ATP11A: variants seen among roughly 807,000 people sequenced by gnomAD.
The protein encoded by ATP11A is ATPase phospholipid transporting 11A.
In ATP11A, 81 loss-of-function variants were observed where a neutral mutation model predicts 154.4. The ratio of observed to expected loss-of-function variants is 0.52; its 90% CI spans 0.44 to 0.63. ATP11A has a LOEUF of 0.63. Among genes scored for constraint, ATP11A ranks in the 30% least tolerant of loss-of-function variants. The pLI is 0.00. For missense variants in ATP11A, 1,316 were observed against 1,474.3 expected, an observed-to-expected ratio of 0.89 and a Z score of 1.76; for synonymous variants, 623 against 585.9, an observed-to-expected ratio of 1.06 and a Z score of -0.91.
chr13:112,794,236 T>C (rs1010598689), intron 2 of ATP11A, among the ~76,000 whole-genome samples: 1 of 152,196 alleles, frequency 6.6e-6, no homozygotes, highest in Non-Finnish European at 1.5e-5. Context: ...AAGGGCCCAG[T>C]GTTACATTAC....
chr13:112,757,624 G>T (rs2076872275), intron 1 of ATP11A, among the ~76,000 whole-genome samples: 1 of 152,228 alleles, frequency 6.6e-6, no homozygotes, highest in South Asian at 2.1e-4. Context: ...TCCCAGGCTG[G>T]CCTCCTTGTC....
chr13:112,757,895 G>A lies in ATP11A; in HGVS notation c.40-27240G>A, dbSNP rs112134027. Among the ~76,000 whole-genome samples the A allele has an allele frequency of 6.4e-3, 969 of 152,316 alleles. 9 individuals are homozygous for A. Among genetic ancestry groups the A allele is most frequent in the African/African-American group, 0.022 (906 of 41,562 alleles). On this transcript the variant is annotated intron_variant, in intron 1 of 29. Coordinates refer to ENST00000375645, the MANE Select transcript of ATP11A (RefSeq NM_015205.3). ...GTTCTGGCAAGAGTGAGTGGCTTTA[G>A]GTCTGCACGCTGTGTTAGGGGAGCC...
rs139226295 is a variant in ATP11A at position 112,842,367 on chromosome 13, G to A, written c.1797G>A (p.Glu599=). 2.7e-5 allele frequency: 43 copies of A among 1,605,496 alleles called. No individual in the cohort carries two copies. The African/African-American group carries it at 5.6e-4, about 21-fold the overall frequency. Reference sequence around the variant, plus strand: ...TTGACCAGATCCGAGCCAGAGTGGAGCGTAACGCAGTGGTGAGAGCCGGGC... The same window carrying A: ...TTGACCAGATCCGAGCCAGAGTGGAACGTAACGCAGTGGTGAGAGCCGGGC... ...GKVDQIRARV[E]RNAVEGLRTL... Residue 599 remains glutamate, a synonymous_variant, in exon 17 of 30, where the codon GAG becomes GAA. Coordinates refer to ENST00000375645, the MANE Select transcript of ATP11A (RefSeq NM_015205.3).
chr13:112,716,718 T>C (rs1389664510), intron 1 of ATP11A, among the ~76,000 whole-genome samples: 1 of 152,126 alleles, frequency 6.6e-6, no homozygotes, highest in Admixed American at 6.5e-5. Context: ...CCTCCCCAGG[T>C]CTCAGCCAGT....
At chr13:112,721,484 C>G (rs1217088125) in intron 1 of ATP11A, among the ~76,000 whole-genome samples, 3 of 152,164 alleles carry the variant, frequency 2.0e-5, no homozygotes, top group Non-Finnish European at 4.4e-5. Flanking sequence ...GTGGTGTCAC[C>G]CTGGCAGCAC....
At chr13:112,828,147 A>G (rs1426193584) in intron 12 of ATP11A, among the ~76,000 whole-genome samples, 5 of 87,464 alleles carry the variant, frequency 5.7e-5, no homozygotes, top group South Asian at 9.2e-4. Flanking sequence ...AGTAGGGGGG[A>G]AAGCGCCCAG....
At chr13:112,828,932 G>T (rs910468199) in intron 12 of ATP11A, among the ~76,000 whole-genome samples, 1 of 152,210 alleles carries the variant, frequency 6.6e-6, no homozygotes, top group Admixed American at 6.5e-5. Context: ...CCAGTCAAGC[G>T]TCTGTGTCCA....
At chr13:112,726,248 C>T (rs561329019) in intron 1 of ATP11A, among the ~76,000 whole-genome samples, 29 of 147,182 alleles carry the variant, frequency 2.0e-4, no homozygotes, top group African/African-American at 6.4e-4. Context: ...GGAGGAAGCA[C>T]GTGCGTGCAG....
chr13:112,808,371 A>G (rs1181485074), intron 4 of ATP11A, among the ~76,000 whole-genome samples: 4 of 152,014 alleles, frequency 2.6e-5, no homozygotes, highest in African/African-American at 9.7e-5. Context: ...CTCTGCCCAG[A>G]GGGGTCTCTT....
intron 2 of ATP11A, among the ~76,000 whole-genome samples, chr13:112,793,822 AGCCAGAG>A (rs1473591621): frequency 1.3e-5 from 2 of 152,246 alleles, no homozygotes; most frequent in Admixed American, 6.5e-5. Flanking sequence ...TTCGTCTCGC[AGCCAGAG>A]GCCAGAGGCA....
In ATP11A at chr13:112,845,616, C is replaced by T. The variant is rs1248629989; in HGVS notation, c.1809+3237C>T. Among the ~76,000 whole-genome samples, 12 of 104,214 alleles carry T rather than the reference C, an allele frequency of 1.2e-4. 1 individual carries two copies. Among genetic ancestry groups the T allele is most frequent in the African/African-American group, 5.0e-4 (10 of 19,932 alleles). The allele number at this position is 104,214 out of a possible 152,430, so 68.4% of individuals were successfully genotyped here. ...AACCAGTCCAGTTACCAGGCACTAG[C>T]GGTACTAACCAGTCCAGTTGCCAGC... On this transcript the variant is annotated intron_variant, in intron 17 of 29. Transcript: ENST00000375645.
chr13:112,777,937 C>T (rs1386058603), intron 1 of ATP11A, among the ~76,000 whole-genome samples: 1 of 152,230 alleles, frequency 6.6e-6, no homozygotes, highest in Non-Finnish European at 1.5e-5. Context: ...TCTTATGGCA[C>T]CCTGCACGGA....
chr13:112,712,865 T>G (rs1887926694), intron 1 of ATP11A, among the ~76,000 whole-genome samples: 1 of 152,246 alleles, frequency 6.6e-6, no homozygotes, highest in Admixed American at 6.5e-5. Flanking sequence ...CTCTGGTGTT[T>G]GCTGAACACA....
chr13:112,813,857 TA>T (rs2078570946), intron 5 of ATP11A, among the ~76,000 whole-genome samples: 1 of 152,128 alleles, frequency 6.6e-6, no homozygotes, highest in Non-Finnish European at 1.5e-5. Context: ...TCCTTGTCAG[TA>T]AAAATAACTC....
At chr13:112,774,009 C>T (rs1241867694) in intron 1 of ATP11A, among the ~76,000 whole-genome samples, 2 of 152,130 alleles carry the variant, frequency 1.3e-5, no homozygotes, top group Admixed American at 1.3e-4. Context: ...GCTCCTCAAA[C>T]ACAGTGCCCG....
At position 112,885,669 on chromosome 13, in the gene ATP11A, A is replaced by T. The variant is rs1033365560; in HGVS notation, c.*3803A>T. 6.6e-6 allele frequency: 1 copy of T among 152,334 alleles called. No homozygotes were observed. Among genetic ancestry groups the T allele is most frequent in the African/African-American group, 2.4e-5 (1 of 41,472 alleles). The allele number at this position is 152,334 out of a possible 1,614,324, so 9.4% of individuals were successfully genotyped here. ...GGCTCCTGCAGGCGTGAATACACAC[A>T]TGCACACACATATACACACATGTGC... is the stretch of plus-strand genomic sequence containing the variant. On this transcript the variant is annotated 3_prime_UTR_variant, in exon 30 of 30. Coordinates refer to ENST00000375645, the MANE Select transcript of ATP11A (RefSeq NM_015205.3).
At position 112,826,981 on chromosome 13, in the gene ATP11A, C is replaced by T. The variant is rs534164339; in HGVS notation, c.1221+90C>T. On this transcript the variant is annotated intron_variant, in intron 12 of 29. Transcript: ENST00000375645. ...TCAGGTCCTGTGCCTGTCATCCGAG[C>T]GTGGCTGTACCTGTAGCTGGCGTAA... The T allele has an allele frequency of 2.9e-4, 392 of 1,361,796 alleles. 2 individuals carry two copies. In the Middle Eastern group the frequency reaches 4.0e-3, roughly 14 times the overall value. 84.4% of individuals were successfully genotyped at this position (1,361,796 alleles called of 1,614,324 possible). A position where few individuals can be genotyped will look rare whatever the true frequency, so the allele number is the denominator to read the frequency against.
rs1217677514 is a variant in ATP11A at position 112,690,040 on chromosome 13, A to G, written c.-377A>G. ...AGCCAGCGGGGCCCGGAGGCTCCAG[A>G]GGGCGGCGGGCAGGGGAGGAGGAGA... is the stretch of plus-strand genomic sequence containing the variant. On this transcript the variant is annotated 5_prime_UTR_variant, in exon 1 of 30. Coordinates refer to ENST00000375645, the MANE Select transcript of ATP11A (RefSeq NM_015205.3). This position sits in a 1 kb window ranked among gnomAD's most constrained non-coding sequence, Gnocchi z 5.6. 6.7e-6 allele frequency among the ~76,000 whole-genome samples: 1 copy of G among 148,644 alleles called. No individual in the cohort carries two copies. The highest frequency in any genetic ancestry group is 6.7e-5 in the Admixed American group (1 of 15,002).
chr13:112,781,982 T>TCAGGCAAGGCCGCGCACTTGC (rs1158105085), intron 1 of ATP11A, among the ~76,000 whole-genome samples: 9 of 152,188 alleles, frequency 5.9e-5, no homozygotes, highest in Non-Finnish European at 1.0e-4. Flanking sequence ...GACGAGGCCA[T>TCAGGCAAGGCCGCGCACTTGC]CAGGCAAGGC....
Sources: gnomAD v4.1 joint callset for allele counts (sites outside exome capture counted in the v4.1 genomes callset) on GRCh38, gnomAD v4.1.1 for gene constraint, Gnocchi (gnomAD v3.1) non-coding constraint, MANE v1.5 for transcripts, NCBI Gene and HGNC (gene_info 2026-07-23, HGNC 2026-07-21) for gene names.